CIB1: variants seen among roughly 807,000 people sequenced by gnomAD.
The protein encoded by CIB1 is calcium and integrin binding 1, also known as calcium and integrin-binding protein 1.
In CIB1, 19 loss-of-function variants were observed where a neutral mutation model predicts 25.0. The observed-to-expected ratio is 0.76, with a 90% CI of 0.53 to 1.12. The LOEUF is 1.12. CIB1 is among the 50% of genes most tolerant of loss of function. CIB1 has a pLI of 0.00. For missense variants in CIB1, 236 were observed against 242.6 expected (o/e 0.97, Z 0.18); for synonymous variants, 104 against 98.5 (o/e 1.06, Z -0.33).
chr15:90,244,457 TTCTA>T, the CIB1 span: 3 of 152,212 alleles, frequency 2.0e-5, no homozygotes, highest in African/African-American at 7.2e-5. Context: ...GTAGACACTA[TTCTA>T]AGAGAGTATG....
the CIB1 span, chr15:90,258,054 A>G: frequency 6.2e-7 from 1 of 1,614,178 alleles, no homozygotes; most frequent in Non-Finnish European, 8.5e-7. Context: ...GTCGACACTC[A>G]ACATCTGGCT....
In CIB1 at chr15:90,231,005, G is replaced by A. The variant is rs11551248; in HGVS notation, c.483C>T (p.Asp161=). The A allele has an allele frequency of 6.2e-7, 1 of 1,614,108 alleles. No individual in the cohort carries two copies. Among genetic ancestry groups the A allele is most frequent in the African/African-American group, 1.3e-5 (1 of 75,042 alleles). Residue 161 remains aspartate, a synonymous_variant, in exon 6 of 7, where the codon GAC becomes GAT. Transcript: ENST00000328649. ...GGTTGATGGTTCCATCCCTGTCAAT[G>A]TCAGACTCCTCCAGGATCTGGGAAA... The part of the protein sequence containing the change: ...QLIDNILEES[D]IDRDGTINLS...
the CIB1 span, chr15:90,249,852 G>A: frequency 6.6e-6 from 1 of 152,258 alleles, no homozygotes; most frequent in Non-Finnish European, 1.5e-5. Context: ...CTTAGCCATC[G>A]GGTGCCTGTC....
the CIB1 span, among the ~76,000 whole-genome samples, chr15:90,248,068 CTCACTCTG>C: frequency 2.6e-5 from 4 of 151,900 alleles, no homozygotes; most frequent in South Asian, 8.3e-4. Context: ...AATACGAGTT[CTCACTCTG>C]TCACCCAAGC....
At chr15:90,256,603 TTC>T in the CIB1 span, among the ~76,000 whole-genome samples, 1 of 29,906 alleles carries the variant, frequency 3.3e-5, no homozygotes, top group Admixed American at 4.5e-4. Flanking sequence ...CTTTCTTTCT[TTC>T]TTTCCTTCCT....
At chr15:90,246,301 A>G in the CIB1 span, among the ~76,000 whole-genome samples, 1,723 of 151,778 alleles carry the variant, frequency 0.011, 8 homozygotes, top group Non-Finnish European at 0.018. Context: ...AAAAAACGAT[A>G]ATCAGAACTC....
At chr15:90,255,740 C>G in the CIB1 span, 1 of 1,614,170 alleles carries the variant, frequency 6.2e-7, no homozygotes, top group Non-Finnish European at 8.5e-7. Context: ...CTCATACTAA[C>G]TGGCTGTGTT....
At chr15:90,258,964 T>C in the CIB1 span, 42 of 1,613,718 alleles carry the variant, frequency 2.6e-5, no homozygotes, top group Non-Finnish European at 3.1e-5. Context: ...AGTTCTTCAT[T>C]ATTCCTGAGA....
the CIB1 span, chr15:90,259,026 A>C: frequency 1.9e-6 from 3 of 1,592,574 alleles, no homozygotes; most frequent in African/African-American, 4.0e-5. Flanking sequence ...ATTTGCTATC[A>C]AAAACAACTT....
upstream of CIB1, among the ~76,000 whole-genome samples, chr15:90,235,769 CCT>C (rs1244154141): frequency 6.6e-6 from 1 of 151,922 alleles, no homozygotes; most frequent in African/African-American, 2.4e-5. Flanking sequence ...GGGGTTTCAC[CCT>C]GTTAGCCAGG....
the CIB1 span, among the ~76,000 whole-genome samples, chr15:90,260,905 G>A: frequency 2.7e-3 from 413 of 150,876 alleles, 2 homozygotes; most frequent in African/African-American, 9.0e-3. Context: ...AAGGACACAC[G>A]CATGCACGCA....
upstream of CIB1, chr15:90,234,525 A>G (rs962773058): frequency 3.3e-5 from 5 of 152,172 alleles, no homozygotes; most frequent in Admixed American, 2.0e-4. Context: ...TTCTTAGGCT[A>G]TTTACTGAGG....
chr15:90,240,939 TC>T, the CIB1 span: 3 of 1,613,912 alleles, frequency 1.9e-6, no homozygotes, highest in Non-Finnish European at 2.5e-6. Flanking sequence ...AAACGAAACT[TC>T]CTATTTGCTG....
the CIB1 span, among the ~76,000 whole-genome samples, chr15:90,256,950 C>T: frequency 3.2e-3 from 483 of 152,204 alleles, 9 homozygotes; most frequent in East Asian, 0.055. Flanking sequence ...CCTCTCAAAG[C>T]GCTGGGATTA....
At chr15:90,250,352 C>A in the CIB1 span, among the ~76,000 whole-genome samples, 32 of 152,276 alleles carry the variant, frequency 2.1e-4, no homozygotes, top group African/African-American at 5.8e-4. Context: ...CTGAAGGCAC[C>A]CCTGTGCGTT....
At chr15:90,262,017 CTG>C in the CIB1 span, 6 of 1,532,930 alleles carry the variant, frequency 3.9e-6, no homozygotes, top group Non-Finnish European at 4.4e-6. Flanking sequence ...AAAGAAAAAA[CTG>C]AGTCATCCCA....
At chr15:90,240,943 A>G in the CIB1 span, 6 of 1,613,968 alleles carry the variant, frequency 3.7e-6, no homozygotes, top group South Asian at 1.1e-5. Context: ...GAAACTTCCT[A>G]TTTGCTGCCT....
the CIB1 span, among the ~76,000 whole-genome samples, chr15:90,245,967 G>A: frequency 6.6e-6 from 1 of 152,124 alleles, no homozygotes; most frequent in South Asian, 2.1e-4. Context: ...ACCTCCCCAC[G>A]TTTTTGCTTA....
At chr15:90,246,580 A>C in the CIB1 span, among the ~76,000 whole-genome samples, 1 of 150,370 alleles carries the variant, frequency 6.7e-6, no homozygotes, top group African/African-American at 2.4e-5. Flanking sequence ...CCTGAGGTCA[A>C]GAGTTTGAGA....
Sources: gnomAD v4.1 joint callset for allele counts (sites outside exome capture counted in the v4.1 genomes callset) on GRCh38, gnomAD v4.1.1 for gene constraint, MANE v1.5 for transcripts, NCBI Gene and HGNC (gene_info 2026-07-23, HGNC 2026-07-21) for gene names.